Variants in BMS1 observed in about 807,000 individuals in gnomAD.
The protein encoded by BMS1 is BMS1 ribosome biogenesis factor, also known as ribosome biogenesis protein BMS1 homolog.
In BMS1, 53 loss-of-function variants were observed where a neutral mutation model predicts 138.7. That is an observed-to-expected ratio of 0.38 (90% CI 0.31 to 0.48). The LOEUF (loss-of-function observed/expected upper bound fraction) is 0.48, where lower values mean the gene tolerates loss of function less well. Ranked by LOEUF, BMS1 falls within the 20% of genes least tolerant of loss-of-function variation. BMS1 has a pLI of 0.97. For synonymous variants in BMS1, 504 were observed against 539.9 expected (o/e 0.93, Z 0.92); for missense variants, 1,360 against 1,565.5 (o/e 0.87, Z 2.22).
rs1262253760 is a variant in BMS1, at chr10:42,833,036, G to A, written c.*1940G>A. 3 of 152,162 alleles carry A rather than the reference G, an allele frequency of 2.0e-5. No individual in the cohort carries two copies. Among genetic ancestry groups the A allele is most frequent in the African/African-American group, 7.2e-5 (3 of 41,444 alleles). 9.4% of individuals were successfully genotyped at this position (152,162 alleles called of 1,614,324 possible). ...GCAAATTTGTTCAAAGAGAAGCATT[G>A]CAAATAAGTATTTATAATTGTATAG... On this transcript the variant is annotated 3_prime_UTR_variant, in exon 23 of 23. Coordinates refer to ENST00000374518, the MANE Select transcript of BMS1 (RefSeq NM_014753.4).
intron 12 of BMS1, among the ~76,000 whole-genome samples, chr10:42,800,693 A>AT (rs1841847782): frequency 6.6e-6 from 1 of 151,482 alleles, no homozygotes. Flanking sequence ...GGCCCAGCTA[A>AT]TTTTTTTGCA....
At chr10:42,786,799 GT>G (rs1841346170) in intron 3 of BMS1, among the ~76,000 whole-genome samples, 1 of 152,094 alleles carries the variant, frequency 6.6e-6, no homozygotes, top group African/African-American at 2.4e-5. Context: ...GTTGCATTAT[GT>G]TTGAGGATGT....
chr10:42,824,102 A>G (rs1355846234), intron 21 of BMS1, among the ~76,000 whole-genome samples: 4 of 152,232 alleles, frequency 2.6e-5, no homozygotes, highest in Non-Finnish European at 5.9e-5. Context: ...GCAAATTAAC[A>G]TAGCTACCAT....
At chr10:42,799,603 A>G (rs1015480170) in intron 12 of BMS1, among the ~76,000 whole-genome samples, 3 of 152,206 alleles carry the variant, frequency 2.0e-5, no homozygotes, top group East Asian at 3.9e-4. Context: ...TTTAATACAG[A>G]TATATAAAAC....
At chr10:42,829,205 G>A (rs1164315184) in intron 21 of BMS1, among the ~76,000 whole-genome samples, 12 of 152,134 alleles carry the variant, frequency 7.9e-5, no homozygotes, top group African/African-American at 7.2e-5. Context: ...CCAGCTACTC[G>A]GGAGGCTGAG....
At chr10:42,793,729 T>C in intron 8 of BMS1, 123 bp from the exon 9 acceptor site, 1 of 1,148,188 alleles carries the variant, frequency 8.7e-7, no homozygotes, top group Non-Finnish European at 1.2e-6. Flanking sequence ...CTCTGCTTTT[T>C]GAGGCATTAA....
intron 9 of BMS1, among the ~76,000 whole-genome samples, chr10:42,795,254 T>C (rs1264711019): frequency 3.3e-5 from 5 of 152,170 alleles, no homozygotes; most frequent in Non-Finnish European, 2.9e-5. Flanking sequence ...AGCAGCATGA[T>C]TTATAGTCCT....
chr10:42,792,429 A>G (rs1841532853), intron 6 of BMS1, 64 bp from the exon 7 acceptor site: 4 of 1,579,592 alleles, frequency 2.5e-6, no homozygotes, highest in Non-Finnish European at 3.4e-6. Flanking sequence ...AATCATTGAC[A>G]CATGAAAGGA....
At position 42,796,692 on chromosome 10, in the gene BMS1, T is replaced by C. The variant is rs1841695399; in HGVS notation, c.1448T>C (p.Ile483Thr). Reference protein sequence around the residue: ...MTDQYMAVKGIKRRKLELEED... With the variant: ...MTDQYMAVKGTKRRKLELEED... Reference sequence around the variant, plus strand: ...GATCAGTATATGGCTGTTAAGGGCATCAAACGACGGAAACTTGAGTTGGAA... The same window carrying C: ...GATCAGTATATGGCTGTTAAGGGCACCAAACGACGGAAACTTGAGTTGGAA... Residue 483 changes from isoleucine to threonine, a missense_variant, in exon 10 of 23, where the codon ATC (isoleucine) becomes ACC (threonine). Physicochemically the swap from Ile to Thr is moderately conservative, Grantham distance 89. This residue lies in a region of BMS1 where 697 missense variants were observed against 686.2 expected (regional missense o/e 1.02). Coordinates refer to ENST00000374518, the MANE Select transcript of BMS1 (RefSeq NM_014753.4). 6.2e-7 allele frequency: 1 copy of C among 1,614,010 alleles called. No individual in the cohort carries two copies. Among genetic ancestry groups the C allele is most frequent in the African/African-American group, 1.3e-5 (1 of 74,886 alleles).
Position 42,830,156 on chromosome 10 carries a change from C to T in BMS1, c.3457-105C>T. ...TCAGGGCCGGCAGACTCTGGTGTTA[C>T]TAATCTTGTGGAAAAGTCAACCCAT... On this transcript the variant is annotated intron_variant, in intron 21 of 22. Transcript: ENST00000374518. 7.6e-6 allele frequency: 10 copies of T among 1,323,042 alleles called. 1 individual carries two copies. In the South Asian group the frequency reaches 1.3e-4, roughly 17 times the overall value. 82.0% of individuals were successfully genotyped at this position (1,323,042 alleles called of 1,614,324 possible). A position where few individuals can be genotyped will look rare whatever the true frequency, so the allele number is the denominator to read the frequency against.
At chr10:42,816,821 A>G in intron 14 of BMS1, 149 bp downstream of exon 14, 1 of 619,240 alleles carries the variant, frequency 1.6e-6, no homozygotes, top group East Asian at 3.1e-5. Flanking sequence ...GGGACCAAAG[A>G]GAAGCTTTCT....
Position 42,823,246 on chromosome 10 carries a change from G to A in BMS1, c.3261G>A (p.Glu1087=). Residue 1087 remains glutamate, a synonymous_variant, in exon 20 of 23, where the codon GAG becomes GAA. Coordinates refer to ENST00000374518, the MANE Select transcript of BMS1 (RefSeq NM_014753.4). ...APEGAFRASF[E]DKLLMSDIVF... is the part of the protein sequence containing the mutation. The stretch of plus-strand genomic sequence containing the variant: ...AAGGAGCTTTCAGGGCCAGCTTTGA[G>A]GATAAGCTGCTGATGAGCGGTGAGT... The A allele has an allele frequency of 2.5e-6, 4 of 1,589,712 alleles. No homozygotes were observed. The highest frequency in any genetic ancestry group is 3.4e-6 in the Non-Finnish European group (4 of 1,171,480).
At position 42,834,676 on chromosome 10, in the gene BMS1, G is replaced by A. The variant is rs1456708459; in HGVS notation, c.*3580G>A. On this transcript the variant is annotated 3_prime_UTR_variant, in exon 23 of 23. Coordinates refer to ENST00000374518, the MANE Select transcript of BMS1 (RefSeq NM_014753.4). ...TCATATTTGGGGATGGTACCTTATC[G>A]AAAATCAGATAAACTTTGGTTGGAT... 10 of 152,078 alleles carry A rather than the reference G, an allele frequency of 6.6e-5. No homozygotes were observed. The highest frequency in any genetic ancestry group is 2.1e-4 in the South Asian group (1 of 4,822). The allele number at this position is 152,078 out of a possible 1,614,324, so 9.4% of individuals were successfully genotyped here. A position where few individuals can be genotyped will look rare whatever the true frequency, so the allele number is the denominator to read the frequency against.
At chr10:42,830,488 C>G in intron 22 of BMS1, 66 bp downstream of exon 22, 1 of 1,531,646 alleles carries the variant, frequency 6.5e-7, no homozygotes, top group Admixed American at 2.2e-5. Flanking sequence ...CAATAGCACA[C>G]TTCCTGTTTC....
At position 42,833,129 on chromosome 10, in the gene BMS1, G is replaced by GTTGC. The variant is rs1480984985; in HGVS notation, c.*2034_*2037dup. Reference sequence around the variant, plus strand: ...GGAAATAAAAGAATGTTTAATTACAGTTGCAGATAATTGCCTTTTCCAAAG... The same window carrying GTTGC: ...GGAAATAAAAGAATGTTTAATTACAGTTGCTTGCAGATAATTGCCTTTTCCAAAG... On this transcript the variant is annotated 3_prime_UTR_variant, in exon 23 of 23. Coordinates refer to ENST00000374518, the MANE Select transcript of BMS1 (RefSeq NM_014753.4). 6.6e-6 allele frequency: 1 copy of GTTGC among 152,198 alleles called. No homozygotes were observed. The highest frequency in any genetic ancestry group is 2.4e-5 in the African/African-American group (1 of 41,454). The allele number at this position is 152,198 out of a possible 1,614,324, so 9.4% of individuals were successfully genotyped here. A position where few individuals can be genotyped will look rare whatever the true frequency, so the allele number is the denominator to read the frequency against.
rs373938097 is a variant in BMS1 at position 42,797,223 on chromosome 10, A to G, written c.1979A>G (p.Glu660Gly). 6 of 1,603,198 alleles carry G rather than the reference A, an allele frequency of 3.7e-6. No homozygotes were observed. The highest frequency in any genetic ancestry group is 5.1e-6 in the Non-Finnish European group (6 of 1,175,260). ...AAGGAAGAAAATAATGATTCCAAAG[A>G]AACGTCAGGTAAGCTTAAATGTAGT... is the stretch of plus-strand genomic sequence containing the variant. ...DYKEENNDSK[E>G]TSGALKWKED... Residue 660 changes from glutamate to glycine, a missense_variant, in exon 10 of 23, where the codon GAA becomes GGA. This residue lies in a region of BMS1 where 697 missense variants were observed against 686.2 expected (regional missense o/e 1.02). Transcript: ENST00000374518.
In BMS1 at chr10:42,822,103, G is replaced by A. The variant is rs781463841; in HGVS notation, c.3051G>A (p.Leu1017=). Residue 1017 remains leucine (L), a synonymous_variant, in exon 19 of 23, where the codon CTG becomes CTA. Coordinates refer to ENST00000374518, the MANE Select transcript of BMS1 (RefSeq NM_014753.4). ...CTGCTACAGGAGTTGTCCTTGATCT[G>A]GATAAATCCATAAAAATTGTGAAGA... ...RIAATGVVLD[L]DKSIKIVKKL... The A allele has an allele frequency of 6.3e-7, 1 of 1,588,422 alleles. No homozygotes were observed. The highest frequency in any genetic ancestry group is 2.2e-5 in the East Asian group (1 of 44,766).
intron 1 of BMS1, 114 bp from the exon 2 acceptor site, chr10:42,784,248 C>T: frequency 2.7e-6 from 2 of 754,614 alleles, no homozygotes; most frequent in Non-Finnish European, 4.1e-6. Context: ...GTTCAGTGAA[C>T]AAATACATCA....
At position 42,811,074 on chromosome 10, in the gene BMS1, C is replaced by T. The variant is rs560157979; in HGVS notation, c.2330-5525C>T. Among the ~76,000 whole-genome samples, 5 of 151,552 alleles carry T rather than the reference C, an allele frequency of 3.3e-5. No individual in the cohort carries two copies. In the South Asian group the frequency reaches 6.2e-4, roughly 19 times the overall value. On this transcript the variant is annotated intron_variant, in intron 13 of 22. Transcript: ENST00000374518. ...ATTTTTTTTTTGAGACTGAGTTTCA[C>T]TCTTCTTGCCCAGGCTGGAGTGCAG...
Sources: gnomAD v4.1 joint callset for allele counts (sites outside exome capture counted in the v4.1 genomes callset) on GRCh38, gnomAD v4.1.1 for gene constraint, gnomAD v4.1.1 regional missense constraint, MANE v1.5 for transcripts, NCBI Gene and HGNC (gene_info 2026-07-23, HGNC 2026-07-21) for gene names.